The following DMD variants were observed in gnomAD, a reference collection of about 807,000 sequenced individuals.
DMD encodes mutant dystrophin.
In DMD, 63 loss-of-function variants were observed where a neutral mutation model predicts 330.1. The ratio of observed to expected loss-of-function variants is 0.19; its 90% CI spans 0.16 to 0.24. The LOEUF is 0.24. Among genes scored for constraint, DMD ranks in the 10% least tolerant of loss-of-function variants. The probability of loss-of-function intolerance (pLI) is 1.00; values close to 1 mark genes in which losing one functional copy is unlikely to be tolerated. For synonymous variants in DMD, 1,223 were observed against 959.8 expected (o/e 1.27, Z -5.07); for missense variants, 3,344 against 2,684.1 (o/e 1.25, Z -5.43).
intron 77 of DMD, among the ~76,000 whole-genome samples, chrX:31,128,353 A>C (rs1043744940): frequency 5.4e-5 from 6 of 111,244 alleles, no homozygotes; most frequent in African/African-American, 2.0e-4. Context: ...TGAATTGGTA[A>C]AGTAGTAGTT....
At chrX:33,037,044 G>A (rs1210287023) in intron 1 of DMD, among the ~76,000 whole-genome samples, 1 of 111,086 alleles carries the variant, frequency 9.0e-6, no homozygotes, top group African/African-American at 3.3e-5. Flanking sequence ...GGTTTTGATT[G>A]CATTTTCTGA....
At chrX:33,242,246 T>G (rs1028890858) in intron 1 of DMD, among the ~76,000 whole-genome samples, 4 of 111,498 alleles carry the variant, frequency 3.6e-5, no homozygotes, top group Non-Finnish European at 7.5e-5. Context: ...TTGTAGTCTT[T>G]TATCCCTTGC....
chrX:33,249,694 C>A (rs1489882460), intron 1 of DMD, among the ~76,000 whole-genome samples: 1 of 111,604 alleles, frequency 9.0e-6, no homozygotes, highest in Non-Finnish European at 1.9e-5. Context: ...TCATGTTGCA[C>A]TTTTGCAAAC....
intron 50 of DMD, among the ~76,000 whole-genome samples, chrX:31,818,902 T>G (rs1377887322): frequency 9.0e-6 from 1 of 111,426 alleles, no homozygotes; most frequent in African/African-American, 3.3e-5. Context: ...ATTATGATTG[T>G]GCTACCCCAG....
chrX:31,484,341 C>T (rs1053443372), intron 57 of DMD, among the ~76,000 whole-genome samples: 6 of 111,588 alleles, frequency 5.4e-5, no homozygotes, highest in Non-Finnish European at 1.1e-4. Context: ...GATATTTTCT[C>T]CCATGTACAT....
At chrX:33,139,687 C>T (rs998676941) in intron 1 of DMD, among the ~76,000 whole-genome samples, 16 of 109,423 alleles carry the variant, frequency 1.5e-4, no homozygotes, top group Non-Finnish European at 1.1e-4. Flanking sequence ...GCTTGCTCCC[C>T]CTTCATTTCC....
At position 32,725,041 on chromosome X, in the gene DMD, A is replaced by C. The variant is rs1045908466; in HGVS notation, c.650-25748T>G. ...TAGCCACAGATAGTACTTAATAAAT[A>C]GTCATTGTTTGGTTGTATCTGTGTA... On this transcript the variant is annotated intron_variant, in intron 7 of 78. Transcript: ENST00000357033. Among the ~76,000 whole-genome samples, 3 of 111,634 alleles carry C rather than the reference A, an allele frequency of 2.7e-5. No homozygotes were observed. In the Admixed American group the frequency reaches 2.9e-4, roughly 11 times the overall value.
intron 2 of DMD, among the ~76,000 whole-genome samples, chrX:32,958,263 C>A (rs908674009): frequency 9.0e-6 from 1 of 111,350 alleles, no homozygotes; most frequent in Non-Finnish European, 1.9e-5. Flanking sequence ...GAAGAAAATG[C>A]AATAAAAGTT....
chrX:31,615,882 T>C (rs1414737083), intron 55 of DMD, among the ~76,000 whole-genome samples: 1 of 112,087 alleles, frequency 8.9e-6, no homozygotes, highest in Non-Finnish European at 1.9e-5. Context: ...ACTATATGTA[T>C]ACATAAAAAT....
At chrX:33,326,481 G>A (rs984634439) in intron 1 of DMD, among the ~76,000 whole-genome samples, 5 of 111,768 alleles carry the variant, frequency 4.5e-5, no homozygotes, top group Non-Finnish European at 9.4e-5. Context: ...AATAAGAATT[G>A]TTTATGACTG....
In DMD at chrX:31,482,770, C is replaced by T. The variant is rs141552815; in HGVS notation, c.8548-3667G>A. Among the ~76,000 whole-genome samples the T allele has an allele frequency of 4.2e-3, 474 of 111,597 alleles. 2 individuals are homozygous for T. Among genetic ancestry groups the T allele is most frequent in the African/African-American group, 0.015 (447 of 30,742 alleles). ...CAGGAGGACAGAGAGGATAACAAGA[C>T]AAAGGGATAAGAAGTTCTTTTTAGC... On this transcript the variant is annotated intron_variant, in intron 57 of 78. Coordinates refer to ENST00000357033, the MANE Select transcript of DMD (RefSeq NM_004006.3).
At chrX:31,627,361 TA>T (rs1017724457) in intron 55 of DMD, among the ~76,000 whole-genome samples, 4 of 112,814 alleles carry the variant, frequency 3.5e-5, no homozygotes, top group Admixed American at 9.4e-5. Flanking sequence ...TGTCAACTTT[TA>T]AAATTTAATA....
intron 35 of DMD, 103 bp from the exon 36 acceptor site, chrX:32,364,813 T>C (rs1440109593): frequency 1.2e-5 from 11 of 947,146 alleles, no homozygotes; most frequent in Admixed American, 2.6e-5. Flanking sequence ...TAAAGTTTCA[T>C]TGAGATTAGT....
At chrX:31,360,441 C>T (rs1419475250) in intron 60 of DMD, among the ~76,000 whole-genome samples, 3 of 111,774 alleles carry the variant, frequency 2.7e-5, no homozygotes, top group African/African-American at 9.8e-5. Context: ...CAAATGTGAT[C>T]GCAGTTTTTG....
intron 1 of DMD, among the ~76,000 whole-genome samples, chrX:33,122,610 AT>A (rs1250331106): frequency 2.1e-4 from 24 of 112,538 alleles, no homozygotes; most frequent in Admixed American, 4.7e-4. Flanking sequence ...TTTCAAAAAA[AT>A]ATCTTACCAT....
intron 2 of DMD, among the ~76,000 whole-genome samples, chrX:32,887,764 A>AAAAAAAAAC (rs2084786371): frequency 9.9e-6 from 1 of 101,391 alleles, no homozygotes; most frequent in Admixed American, 1.1e-4. Context: ...AAAAAAAAAA[A>AAAAAAAAAC]AAAAAAAAAA....
intron 1 of DMD, among the ~76,000 whole-genome samples, chrX:33,194,105 C>A (rs1200850905): frequency 9.1e-6 from 1 of 110,240 alleles, no homozygotes; most frequent in Non-Finnish European, 1.9e-5. Flanking sequence ...TTTATAAAAC[C>A]AATTATATGT....
intron 27 of DMD, 47 bp from the exon 28 acceptor site, chrX:32,441,361 T>G (rs903778751): frequency 9.5e-6 from 11 of 1,157,948 alleles, no homozygotes; most frequent in Non-Finnish European, 1.3e-5. Flanking sequence ...GGTAGAAAAG[T>G]AAATGTGAAA....
intron 44 of DMD, among the ~76,000 whole-genome samples, chrX:32,101,483 A>T (rs1044452357): frequency 9.8e-5 from 11 of 111,792 alleles, no homozygotes; most frequent in Non-Finnish European, 1.3e-4. Flanking sequence ...CACCATTGCT[A>T]TTGTAACTAT....
Sources: gnomAD v4.1 joint callset for allele counts (sites outside exome capture counted in the v4.1 genomes callset) on GRCh38, gnomAD v4.1.1 for gene constraint, MANE v1.5 for transcripts, NCBI Gene and HGNC (gene_info 2026-07-23, HGNC 2026-07-21) for gene names.